Variants in SPC25 observed in about 807,000 individuals in gnomAD.
SPC25 encodes the protein kinetochore protein Spc25.
A neutral mutation model predicts 29.6 loss-of-function variants in SPC25; 22 were observed. That is an observed-to-expected ratio of 0.74 (90% CI 0.53 to 1.06). The LOEUF (loss-of-function observed/expected upper bound fraction) is 1.06. Ranked by LOEUF, SPC25 falls within the 50% of genes least tolerant of loss-of-function variation. The pLI is 0.00. For synonymous variants in SPC25, 91 were observed against 90.4 expected (o/e 1.01, Z -0.04); for missense variants, 230 against 255.8 (o/e 0.90, Z 0.69).
chr2:168,872,718 T>G (rs1033841924), intron 6 of SPC25, among the ~76,000 whole-genome samples: 5 of 152,206 alleles, frequency 3.3e-5, no homozygotes, highest in African/African-American at 7.2e-5. Flanking sequence ...AAGAGGTTTT[T>G]GGGGCTTGCT....
In SPC25 at chr2:168,873,643, C is replaced by A; in HGVS notation, c.492G>T (p.Lys164Asn). ...LQFIFTNIDPKNPESPFMFSL... is the reference protein window; with the variant it reads ...LQFIFTNIDPNNPESPFMFSL... ...AAAACATAAATGGGCTCTCAGGATTCTTAGGGTCAATATTAGTGAAAATAA... is the reference window on the plus strand; with the variant it reads ...AAAACATAAATGGGCTCTCAGGATTATTAGGGTCAATATTAGTGAAAATAA... The change falls in exon 6 of 7, where the codon AAG (lysine) becomes AAT (asparagine). Residue 164 changes from lysine (K) to asparagine (N), a missense_variant. Physicochemically the swap from Lys to Asn is moderately conservative, Grantham distance 94. Transcript: ENST00000282074. 1 of 1,611,682 alleles carries A rather than the reference C, an allele frequency of 6.2e-7. No individual in the cohort carries two copies. The highest frequency in any genetic ancestry group is 8.5e-7 in the Non-Finnish European group (1 of 1,178,438).
chr2:168,880,049 G>A (rs1379440733), intron 3 of SPC25, among the ~76,000 whole-genome samples: 1 of 152,184 alleles, frequency 6.6e-6, no homozygotes, highest in Non-Finnish European at 1.5e-5. Flanking sequence ...AGTAGATTTA[G>A]TATAATTCTT....
At chr2:168,879,370 C>T (rs1454769451) in intron 3 of SPC25, among the ~76,000 whole-genome samples, 1 of 152,224 alleles carries the variant, frequency 6.6e-6, no homozygotes, top group East Asian at 1.9e-4. Flanking sequence ...GTCAGTTAAA[C>T]AATGTTCACA....
intron 6 of SPC25, among the ~76,000 whole-genome samples, chr2:168,873,289 C>A (rs1451391198): frequency 6.6e-6 from 1 of 152,174 alleles, no homozygotes; most frequent in Admixed American, 6.5e-5. Context: ...AAAAAGTTAT[C>A]TAAAAGGACA....
At chr2:168,871,607 G>C (rs982951501) in intron 6 of SPC25, 52 bp from the exon 7 acceptor site, 1 of 1,481,496 alleles carries the variant, frequency 6.7e-7, no homozygotes, top group Non-Finnish European at 9.0e-7. Context: ...GTTTTTTTAT[G>C]GCACAGAAGT....
chr2:168,863,657 T>A (rs1689631764), intron 4 of SPC25: 1 of 894,954 alleles, frequency 1.1e-6, no homozygotes, highest in African/African-American at 3.8e-5. Context: ...GAGTTACATT[T>A]CTGTGCAAAG....
chr2:168,864,880 T>C lies in SPC25; in HGVS notation n.419+8705A>G, dbSNP rs547483781. 8.1e-6 allele frequency: 13 copies of C among 1,614,060 alleles called. No homozygotes were observed. In the South Asian group the frequency reaches 1.4e-4, roughly 18 times the overall value. On this transcript the variant is annotated intron_variant and non_coding_transcript_variant, in intron 4 of 4. Coordinates refer to the SPC25 transcript ENST00000479309. ...AGAAAAAAGAAGGAGGATGGTGGTT[T>C]GGATCTTTGAATGGGAAAAAAGGCC...
At chr2:168,862,844 C>T (rs1054437171) in intron 4 of SPC25, among the ~76,000 whole-genome samples, 6 of 152,214 alleles carry the variant, frequency 3.9e-5, no homozygotes, top group African/African-American at 1.2e-4. Flanking sequence ...GAAAGAGTAA[C>T]GTTATGGGAG....
intron 5 of SPC25, 63 bp downstream of exon 5, chr2:168,876,009 C>T: frequency 1.1e-6 from 1 of 892,604 alleles, no homozygotes; most frequent in Admixed American, 4.0e-5. Flanking sequence ...TAAAATTTTC[C>T]TCTACTTAAG....
intron 1 of SPC25, among the ~76,000 whole-genome samples, 190 bp downstream of exon 1, chr2:168,890,128 C>A (rs1371727282): frequency 1.3e-5 from 2 of 152,182 alleles, no homozygotes; most frequent in Non-Finnish European, 2.9e-5. Context: ...ACCAAAGATA[C>A]CTCCTGCAGT....
At chr2:168,886,050 CTTTTTTTT>C (rs66484575) in intron 3 of SPC25, among the ~76,000 whole-genome samples, 1 of 97,072 alleles carries the variant, frequency 1.0e-5, no homozygotes, top group African/African-American at 4.1e-5. Flanking sequence ...CGAATACAAT[CTTTTTTTT>C]TTTTTTTTTT....
At chr2:168,871,855 TTA>T (rs1466547090) in intron 6 of SPC25, among the ~76,000 whole-genome samples, 2 of 152,102 alleles carry the variant, frequency 1.3e-5, no homozygotes, top group Admixed American at 6.6e-5. Flanking sequence ...CATCTTAAAC[TTA>T]TATATTTTGT....
At position 168,888,565 on chromosome 2, in the gene SPC25, C is replaced by T. The variant is rs541742620; in HGVS notation, c.199+661G>A. Among the ~76,000 whole-genome samples, 8 of 151,810 alleles carry T rather than the reference C, an allele frequency of 5.3e-5. No individual in the cohort carries two copies. The South Asian group carries it at 1.7e-3, about 32-fold the overall frequency. ...GCGAGACTCTGTCTCAAAGTGAGACCCTGTCTCAAAAAATGACACAAAAAA... is the reference window on the plus strand; with the variant it reads ...GCGAGACTCTGTCTCAAAGTGAGACTCTGTCTCAAAAAATGACACAAAAAA... On this transcript the variant is annotated intron_variant, in intron 3 of 6. Coordinates refer to ENST00000282074, the MANE Select transcript of SPC25 (RefSeq NM_020675.4).
intron 4 of SPC25, among the ~76,000 whole-genome samples, chr2:168,862,707 T>C (rs774111314): frequency 6.6e-6 from 1 of 152,190 alleles, no homozygotes; most frequent in Non-Finnish European, 1.5e-5. Context: ...GTAGTGGCTT[T>C]ATAATGTAAA....
intron 5 of SPC25, among the ~76,000 whole-genome samples, chr2:168,874,442 G>T (rs912266486): frequency 1.3e-5 from 2 of 152,116 alleles, no homozygotes; most frequent in Non-Finnish European, 2.9e-5. Flanking sequence ...GTTCATAGCA[G>T]CATTATTCAT....
chr2:168,872,453 G>C (rs1690012510), intron 6 of SPC25, among the ~76,000 whole-genome samples: 2 of 152,168 alleles, frequency 1.3e-5, no homozygotes, highest in Admixed American at 1.3e-4. Context: ...CTTGTATGTA[G>C]TTGTACCAGC....
At chr2:168,888,991 G>GTA (rs1180603456) in intron 3 of SPC25, among the ~76,000 whole-genome samples, 1,658 of 77,322 alleles carry the variant, frequency 0.021, 103 homozygotes, top group African/African-American at 0.07. Context: ...ACATATATAT[G>GTA]TATATATATA....
chr2:168,862,129 C>A, intron 4 of SPC25: 2 of 1,293,428 alleles, frequency 1.5e-6, no homozygotes, highest in Non-Finnish European at 2.2e-6. Flanking sequence ...CTTAGTGTGG[C>A]AGCCTTAAGA....
At chr2:168,882,465 C>T (rs924528926) in intron 3 of SPC25, among the ~76,000 whole-genome samples, 1 of 152,130 alleles carries the variant, frequency 6.6e-6, no homozygotes, top group Non-Finnish European at 1.5e-5. Flanking sequence ...ATGAGCTGGG[C>T]GTGGTGGCGT....
Sources: gnomAD v4.1 joint callset for allele counts (sites outside exome capture counted in the v4.1 genomes callset) on GRCh38, gnomAD v4.1.1 for gene constraint, MANE v1.5 for transcripts, NCBI Gene and HGNC (gene_info 2026-07-23, HGNC 2026-07-21) for gene names.